UBL3: variants seen among roughly 807,000 people sequenced by gnomAD.
UBL3 encodes ubiquitin-like protein 3.
A neutral mutation model predicts 18.4 loss-of-function variants in UBL3; 6 were observed. The observed-to-expected ratio is 0.33, with a 90% CI of 0.18 to 0.64. UBL3 has a LOEUF of 0.64. Among genes scored for constraint, UBL3 ranks in the 30% least tolerant of loss-of-function variants. The pLI is 0.76. For synonymous variants in UBL3, 49 were observed against 46.6 expected (o/e 1.05, Z -0.21); for missense variants, 109 against 142.9 (o/e 0.76, Z 1.21).
At chr13:29,794,335 G>C (rs1392348385) in intron 1 of UBL3, among the ~76,000 whole-genome samples, 1 of 147,636 alleles carries the variant, frequency 6.8e-6, no homozygotes, top group Non-Finnish European at 1.5e-5. Context: ...TAATAAGAGG[G>C]AATCTTTACT....
intron 1 of UBL3, among the ~76,000 whole-genome samples, chr13:29,847,453 T>C (rs955031297): frequency 6.6e-6 from 1 of 152,220 alleles, no homozygotes; most frequent in African/African-American, 2.4e-5. Context: ...TATTTTATAA[T>C]TGCAGATATT....
At chr13:29,801,489 C>T (rs891586084) in intron 1 of UBL3, among the ~76,000 whole-genome samples, 2 of 152,126 alleles carry the variant, frequency 1.3e-5, no homozygotes, top group Non-Finnish European at 2.9e-5. Flanking sequence ...GAGCCCTCAA[C>T]CCCCGCATTT....
chr13:29,768,642 A>G (rs942270598), intron 3 of UBL3, among the ~76,000 whole-genome samples: 1 of 152,024 alleles, frequency 6.6e-6, no homozygotes, highest in Non-Finnish European at 1.5e-5. Context: ...CACTAGTACT[A>G]TTTCATATAT....
chr13:29,800,921 T>TGCA (rs1022707456), intron 1 of UBL3, among the ~76,000 whole-genome samples: 1 of 152,170 alleles, frequency 6.6e-6, no homozygotes, highest in African/African-American at 2.4e-5. Flanking sequence ...CCCCCCACGG[T>TGCA]GCAGCAGCCT....
chr13:29,833,283 A>G (rs1328319948), intron 1 of UBL3, among the ~76,000 whole-genome samples: 2 of 152,238 alleles, frequency 1.3e-5, no homozygotes, highest in East Asian at 3.8e-4. Flanking sequence ...CTGGATGGAG[A>G]TCGGGTTAAA....
intron 1 of UBL3, among the ~76,000 whole-genome samples, chr13:29,783,279 T>C (rs1281795132): frequency 1.3e-5 from 2 of 152,258 alleles, no homozygotes; most frequent in African/African-American, 4.8e-5. Context: ...GTAAAATTAA[T>C]TCTAAGTTAC....
chr13:29,776,678 C>G (rs1220334967), intron 2 of UBL3, among the ~76,000 whole-genome samples: 1 of 151,816 alleles, frequency 6.6e-6, no homozygotes, highest in African/African-American at 2.4e-5. Flanking sequence ...CGAGACCATC[C>G]TGGCCGACAT....
intron 1 of UBL3, among the ~76,000 whole-genome samples, chr13:29,794,616 T>G (rs1185049902): frequency 6.6e-6 from 1 of 152,248 alleles, no homozygotes; most frequent in South Asian, 2.1e-4. Flanking sequence ...GCAGTGTTTA[T>G]CTTTTATTTT....
intron 1 of UBL3, among the ~76,000 whole-genome samples, chr13:29,798,192 T>C (rs1356489634): frequency 6.6e-6 from 1 of 151,942 alleles, no homozygotes; most frequent in Non-Finnish European, 1.5e-5. Flanking sequence ...GCTCAGCTAA[T>C]TTTTTGTATT....
intron 1 of UBL3, among the ~76,000 whole-genome samples, chr13:29,835,107 AATATATATATATATATAAATATATATAT>A (rs1488689076): frequency 1.2e-3 from 29 of 23,766 alleles, no homozygotes; most frequent in East Asian, 3.1e-3. Context: ...TATATATATA[AATATATATATATATATAAATATATATAT>A]ATATATATAT....
chr13:29,835,671 C>T, intron 1 of UBL3, among the ~76,000 whole-genome samples: 1 of 147,230 alleles, frequency 6.8e-6, no homozygotes, highest in Non-Finnish European at 1.5e-5. Flanking sequence ...AGGAGAATCA[C>T]TCGAACCTGG....
chr13:29,801,015 A>T (rs1233974824), intron 1 of UBL3, among the ~76,000 whole-genome samples: 2 of 152,136 alleles, frequency 1.3e-5, no homozygotes, highest in Non-Finnish European at 2.9e-5. Flanking sequence ...GACCCCCAGC[A>T]CATCCACCCT....
At chr13:29,814,789 A>AT (rs1878227189) in intron 1 of UBL3, among the ~76,000 whole-genome samples, 1 of 152,150 alleles carries the variant, frequency 6.6e-6, no homozygotes, top group Admixed American at 6.5e-5. Flanking sequence ...TGAACAATAT[A>AT]TTTTTACCAG....
intron 1 of UBL3, among the ~76,000 whole-genome samples, chr13:29,791,340 T>C (rs1334753364): frequency 6.6e-6 from 1 of 152,236 alleles, no homozygotes; most frequent in Non-Finnish European, 1.5e-5. Flanking sequence ...CACTTACAAG[T>C]GCTGCACAGT....
chr13:29,789,730 T>C (rs1226601170), intron 1 of UBL3, among the ~76,000 whole-genome samples: 4 of 152,254 alleles, frequency 2.6e-5, no homozygotes, highest in African/African-American at 2.4e-5. Context: ...AATGTATTGA[T>C]GTAGAAACAA....
intron 1 of UBL3, among the ~76,000 whole-genome samples, chr13:29,804,333 G>A (rs893598167): frequency 2.6e-5 from 4 of 152,012 alleles, no homozygotes. Context: ...AGTTTATAAA[G>A]AGAGAAGTTT....
chr13:29,843,915 C>A (rs1879170409), intron 1 of UBL3, among the ~76,000 whole-genome samples: 1 of 152,172 alleles, frequency 6.6e-6, no homozygotes, highest in Non-Finnish European at 1.5e-5. Context: ...AGCCTCTTGT[C>A]ATCACGGATA....
intron 1 of UBL3, among the ~76,000 whole-genome samples, chr13:29,819,392 G>A (rs572693852): frequency 6.6e-6 from 1 of 152,106 alleles, no homozygotes; most frequent in Non-Finnish European, 1.5e-5. Flanking sequence ...GAAATCCTGG[G>A]ATAAAGAAAG....
At position 29,780,367 on chromosome 13, in the gene UBL3, A is replaced by AAAAAAAAATAT. The variant is rs1359464345; in HGVS notation, c.28-3105_28-3104insATATTTTTTTT. The stretch of plus-strand genomic sequence containing the variant: ...AGACTCTGTCTCAAAAAAAAAAAAA[A>AAAAAAAAATAT]ATATATATATATATATATATATATG... On this transcript the variant is annotated intron_variant, in intron 1 of 4. Transcript: ENST00000380680. Among the ~76,000 whole-genome samples, 88 of 103,270 alleles carry AAAAAAAAATAT rather than the reference A, an allele frequency of 8.5e-4. No homozygotes were observed. In the East Asian group the frequency reaches 0.01, roughly 12 times the overall value. The allele number at this position is 103,270 out of a possible 152,430, so 67.7% of individuals were successfully genotyped here.
Sources: gnomAD v4.1 joint callset for allele counts (sites outside exome capture counted in the v4.1 genomes callset) on GRCh38, gnomAD v4.1.1 for gene constraint, MANE v1.5 for transcripts, NCBI Gene and HGNC (gene_info 2026-07-23, HGNC 2026-07-21) for gene names.